CIDEA: variants seen among roughly 807,000 people sequenced by gnomAD.
The protein encoded by CIDEA is cell death inducing DFFA like effector a, also known as lipid transferase CIDEA.
A neutral mutation model predicts 18.2 loss-of-function variants in CIDEA; 10 were observed. The ratio of observed to expected loss-of-function variants is 0.55; its 90% confidence interval spans 0.34 to 0.93. The LOEUF (loss-of-function observed/expected upper bound fraction) is 0.93. Among genes scored for constraint, CIDEA ranks in the 40% least tolerant of loss-of-function variants. The pLI, the probability that CIDEA is intolerant of heterozygous loss-of-function variation, is 0.02. For missense variants in CIDEA, 309 were observed against 293.1 expected, an observed-to-expected ratio of 1.05 and a Z score of -0.40; for synonymous variants, 128 against 124.8, an observed-to-expected ratio of 1.03 and a Z score of -0.17.
At chr18:12,269,335 G>A (rs1912447847) in intron 3 of CIDEA, among the ~76,000 whole-genome samples, 1 of 152,184 alleles carries the variant, frequency 6.6e-6, no homozygotes. Flanking sequence ...GCTGGGAAAG[G>A]AGGAGGATTT....
chr18:12,255,037 G>A (rs1253584542), intron 1 of CIDEA: 1 of 900,918 alleles, frequency 1.1e-6, no homozygotes, highest in Non-Finnish European at 1.5e-6. Context: ...GGGGGGACAA[G>A]GGGCGGGTGG....
chr18:12,276,631 C>T (rs1905342119), intron 4 of CIDEA, among the ~76,000 whole-genome samples: 1 of 152,220 alleles, frequency 6.6e-6, no homozygotes, highest in African/African-American at 2.4e-5. Context: ...CCTGATGAGA[C>T]AGCTGCCCAG....
chr18:12,261,596 C>G (rs1212693458), intron 1 of CIDEA, among the ~76,000 whole-genome samples: 1 of 151,972 alleles, frequency 6.6e-6, no homozygotes, highest in Non-Finnish European at 1.5e-5. Context: ...TGGAGTCTCA[C>G]TATGTCATCC....
chr18:12,256,158 G>A (rs1912027702), intron 1 of CIDEA, among the ~76,000 whole-genome samples: 1 of 152,188 alleles, frequency 6.6e-6, no homozygotes, highest in South Asian at 2.1e-4. Context: ...TGTAATTCTT[G>A]TTGAAGGGAA....
In CIDEA at chr18:12,262,972, G is replaced by GC. The variant is rs1418747337; in HGVS notation, c.183+7dup. ...GCCTGCAGGAGCTCATCAGCAAGGT[G>GC]CCCCACATCCCGCACCTCTCCCCCA... On this transcript the variant is annotated splice_donor_region_variant and intron_variant, in intron 2 of 4. Transcript: ENST00000320477. The GC allele has an allele frequency of 1.9e-6, 3 of 1,613,800 alleles. No individual in the cohort carries two copies. The highest frequency in any genetic ancestry group is 2.5e-6 in the Non-Finnish European group (3 of 1,179,966).
chr18:12,262,896 T>G lies in CIDEA; in HGVS notation c.110T>G (p.Phe37Cys), dbSNP rs745620527. 6.2e-7 allele frequency: 1 copy of G among 1,614,172 alleles called. No individual in the cohort carries two copies. Among genetic ancestry groups the G allele is most frequent in the Non-Finnish European group, 8.5e-7 (1 of 1,180,024 alleles). Residue 37 changes from phenylalanine to cysteine, a missense_variant, in exon 2 of 5, where the codon TTC becomes TGC. Physicochemically the swap from Phe to Cys is radical, Grantham distance 205. Coordinates refer to ENST00000320477, the MANE Select transcript of CIDEA (RefSeq NM_001279.4). Reference protein sequence around the residue: ...FTPLMHPARPFRVSNHDRSSR... With the variant: ...FTPLMHPARPCRVSNHDRSSR... Reference sequence around the variant, plus strand: ...CCGCTCATGCATCCAGCTCGCCCTTTCCGGGTCTCCAACCATGACAGGAGC... The same window carrying G: ...CCGCTCATGCATCCAGCTCGCCCTTGCCGGGTCTCCAACCATGACAGGAGC...
rs1461929091 is a variant in CIDEA, at chr18:12,277,435, A to G, written c.*165A>G. On this transcript the variant is annotated 3_prime_UTR_variant, in exon 5 of 5. Coordinates refer to ENST00000320477, the MANE Select transcript of CIDEA (RefSeq NM_001279.4). The stretch of plus-strand genomic sequence containing the variant: ...AAGGAAAGGGCTTGGTGGTACATGA[A>G]GTGGGGGCAGTGGGCAGGGTGCCCT... The G allele has an allele frequency of 8.0e-6, 5 of 627,250 alleles. No individual in the cohort carries two copies. In the African/African-American group the frequency reaches 9.6e-5, roughly 12 times the overall value. The allele number at this position is 627,250 out of a possible 1,614,324, so 38.9% of individuals were successfully genotyped here.
chr18:12,272,066 A>G (rs1240553012), intron 3 of CIDEA, among the ~76,000 whole-genome samples: 1 of 145,994 alleles, frequency 6.8e-6, no homozygotes, highest in Non-Finnish European at 1.5e-5. Context: ...CTTTCCAAAC[A>G]CGTTTCCCGG....
intron 4 of CIDEA, among the ~76,000 whole-genome samples, chr18:12,275,250 G>A (rs1180052604): frequency 6.6e-6 from 1 of 152,190 alleles, no homozygotes; most frequent in African/African-American, 2.4e-5. Context: ...TTAACCCCAG[G>A]AGGCGGAGGT....
Position 12,274,278 on chromosome 18 carries a change from A to G in CIDEA, c.512+4A>G, listed in dbSNP as rs751967214. On this transcript the variant is annotated splice_donor_region_variant and intron_variant, in intron 4 of 4. Transcript: ENST00000320477. ...CGGGACTCAAGGGCCTGCTGAGGTA[A>G]CACACTCCAGGGGTCACCTCCGGGG... 1 of 1,613,974 alleles carries G rather than the reference A, an allele frequency of 6.2e-7. No individual in the cohort carries two copies. The highest frequency in any genetic ancestry group is 8.5e-7 in the Non-Finnish European group (1 of 1,179,918).
At chr18:12,268,414 T>C (rs1296474710) in intron 3 of CIDEA, among the ~76,000 whole-genome samples, 1 of 150,464 alleles carries the variant, frequency 6.6e-6, no homozygotes, top group Admixed American at 6.6e-5. Context: ...TGCTTTTTGT[T>C]TGGAGACAGT....
chr18:12,266,020 T>C (rs905246702), intron 3 of CIDEA, among the ~76,000 whole-genome samples: 1 of 152,128 alleles, frequency 6.6e-6, no homozygotes, highest in Non-Finnish European at 1.5e-5. Context: ...TAGCTAGGAA[T>C]TGAAGACCAG....
chr18:12,277,015 G>C lies in CIDEA; in HGVS notation c.513-108G>C, dbSNP rs901438171. On this transcript the variant is annotated intron_variant, in intron 4 of 4. Transcript: ENST00000320477. ...CAGCCATGCTCTAAATGTCAGCCTG[G>C]CCTCCTCCGAGTGCCTTTTGGTGGG... 6 of 1,223,606 alleles carry C rather than the reference G, an allele frequency of 4.9e-6. No homozygotes were observed. In the African/African-American group the frequency reaches 9.0e-5, roughly 18 times the overall value. The allele number at this position is 1,223,606 out of a possible 1,614,324, so 75.8% of individuals were successfully genotyped here.
chr18:12,260,064 ACACT>A (rs1912147180), intron 1 of CIDEA, among the ~76,000 whole-genome samples: 1 of 152,184 alleles, frequency 6.6e-6, no homozygotes, highest in African/African-American at 2.4e-5. Flanking sequence ...GAAGGCACAA[ACACT>A]CACGATTATG....
chr18:12,269,413 G>A (rs1912449920), intron 3 of CIDEA, among the ~76,000 whole-genome samples: 5 of 152,186 alleles, frequency 3.3e-5, no homozygotes, highest in Admixed American at 3.3e-4. Flanking sequence ...CCAAGTCATG[G>A]TTTCAGAATA....
At chr18:12,267,555 A>G (rs771944458) in intron 3 of CIDEA, among the ~76,000 whole-genome samples, 1 of 152,146 alleles carries the variant, frequency 6.6e-6, no homozygotes, top group African/African-American at 2.4e-5. Context: ...AGCCTTTGGC[A>G]TGATCTCGGC....
At chr18:12,263,027 G>T in intron 2 of CIDEA, 58 bp downstream of exon 2, 1 of 1,574,334 alleles carries the variant, frequency 6.4e-7, no homozygotes. Context: ...ACTCACACAG[G>T]GCCATGGTCT....
intron 3 of CIDEA, among the ~76,000 whole-genome samples, chr18:12,269,707 C>CT (rs1221805245): frequency 1.3e-5 from 2 of 151,824 alleles, no homozygotes; most frequent in Non-Finnish European, 2.9e-5. Context: ...TTCTCTTTTT[C>CT]TTTTTTTTCG....
intron 1 of CIDEA, among the ~76,000 whole-genome samples, chr18:12,259,138 G>A (rs1912120303): frequency 6.6e-6 from 1 of 152,210 alleles, no homozygotes; most frequent in African/African-American, 2.4e-5. Context: ...GCTCTGATTG[G>A]CTAGGTGGGT....
Sources: gnomAD v4.1 joint callset for allele counts (sites outside exome capture counted in the v4.1 genomes callset) on GRCh38, gnomAD v4.1.1 for gene constraint, MANE v1.5 for transcripts, NCBI Gene and HGNC (gene_info 2026-07-23, HGNC 2026-07-21) for gene names.